Variants in UBR1 observed in about 807,000 individuals in gnomAD.
The protein encoded by UBR1 is E3 ubiquitin-protein ligase UBR1.
Under a neutral mutation model 242.1 loss-of-function variants are expected in UBR1, and 102 were observed. The observed-to-expected ratio is 0.42, with a 90% CI of 0.36 to 0.50. The LOEUF (loss-of-function observed/expected upper bound fraction) is 0.50, where lower values mean the gene tolerates loss of function less well. Ranked by LOEUF, UBR1 falls within the 20% of genes least tolerant of loss-of-function variation. The pLI, the probability that UBR1 is intolerant of heterozygous loss-of-function variation, is 0.01. For missense variants in UBR1, 1,772 were observed against 2,101.8 expected (o/e 0.84, Z 3.07); for synonymous variants, 675 against 684.8 (o/e 0.99, Z 0.22).
chr15:43,023,389 C>G (rs1360352595), intron 25 of UBR1, among the ~76,000 whole-genome samples: 1 of 151,782 alleles, frequency 6.6e-6, no homozygotes, highest in African/African-American at 2.4e-5. Flanking sequence ...GTCAGGAGTT[C>G]ATGACCAGCC....
intron 1 of UBR1, among the ~76,000 whole-genome samples, chr15:43,099,518 T>C (rs535423034): frequency 1.3e-5 from 2 of 152,302 alleles, no homozygotes; most frequent in Non-Finnish European, 2.9e-5. Flanking sequence ...CACAAGTATA[T>C]ACATTTGTTA....
chr15:42,978,599 A>T (rs1009260260), intron 37 of UBR1, among the ~76,000 whole-genome samples: 1 of 152,200 alleles, frequency 6.6e-6, no homozygotes, highest in African/African-American at 2.4e-5. Context: ...AAAATGAAGG[A>T]ATTATTGTAG....
intron 39 of UBR1, among the ~76,000 whole-genome samples, chr15:42,971,676 A>G (rs2032209149): frequency 1.3e-5 from 2 of 152,192 alleles, no homozygotes; most frequent in South Asian, 2.1e-4. Flanking sequence ...TAAAAAATGC[A>G]TCATGAATTC....
chr15:43,032,972 C>A (rs950172720), intron 19 of UBR1, among the ~76,000 whole-genome samples: 1 of 152,126 alleles, frequency 6.6e-6, no homozygotes, highest in Non-Finnish European at 1.5e-5. Flanking sequence ...AATAGATTGC[C>A]AACAGTTATA....
In UBR1 at chr15:42,966,269, A is replaced by G. The variant is rs146245818; in HGVS notation, c.4475T>C (p.Ile1492Thr). 15 of 1,614,120 alleles carry G rather than the reference A, an allele frequency of 9.3e-6. No homozygotes were observed. Among genetic ancestry groups the G allele is most frequent in the African/African-American group, 2.7e-5 (2 of 74,954 alleles). The stretch of plus-strand genomic sequence containing the variant: ...TGAGACCCACAAATACCAGCCAGGA[A>G]TATCACACCCAATGGAGCTAGGAGA... The part of the protein sequence containing the change: ...QYTSGSIGCD[I>T]PGWYLWVSLK... The change falls in exon 41 of 47, where the codon ATT becomes ACT. Residue 1492 changes from isoleucine to threonine, a missense_variant. Coordinates refer to ENST00000290650, the MANE Select transcript of UBR1 (RefSeq NM_174916.3).
chr15:43,052,690 T>A (rs935262531), intron 12 of UBR1, among the ~76,000 whole-genome samples: 1 of 152,180 alleles, frequency 6.6e-6, no homozygotes, highest in East Asian at 1.9e-4. Context: ...TAAATAAACA[T>A]GTAGGGAAAG....
intron 1 of UBR1, among the ~76,000 whole-genome samples, chr15:43,098,028 T>C (rs1422932216): frequency 5.3e-5 from 8 of 152,250 alleles, no homozygotes; most frequent in African/African-American, 1.9e-4. Context: ...TCATCATTTC[T>C]AGCTTTTGAT....
At chr15:43,105,902 C>G in intron 1 of UBR1, 40 bp downstream of exon 1, 1 of 1,596,046 alleles carries the variant, frequency 6.3e-7, no homozygotes, top group Non-Finnish European at 8.6e-7. Context: ...TAGGGAGGGA[C>G]CGGGGGGAGG....
At chr15:43,048,332 A>G (rs1465410050) in intron 13 of UBR1, 60 bp downstream of exon 13, 1 of 1,333,928 alleles carries the variant, frequency 7.5e-7, no homozygotes, top group East Asian at 2.5e-5. Flanking sequence ...CTTTAAAAAG[A>G]CTGCGGTTCA....
At chr15:43,007,984 A>C (rs1161175561) in intron 29 of UBR1, among the ~76,000 whole-genome samples, 1 of 152,250 alleles carries the variant, frequency 6.6e-6, no homozygotes, top group Non-Finnish European at 1.5e-5. Flanking sequence ...GGCAAAACTC[A>C]AGATCTACTG....
intron 12 of UBR1, among the ~76,000 whole-genome samples, chr15:43,049,284 A>G (rs1457835803): frequency 1.3e-5 from 2 of 152,178 alleles, no homozygotes; most frequent in Non-Finnish European, 2.9e-5. Context: ...TGTATAAAAG[A>G]GGTAATGTAT....
chr15:43,076,897 A>G (rs1424086689), intron 3 of UBR1, among the ~76,000 whole-genome samples: 7 of 45,710 alleles, frequency 1.5e-4, no homozygotes, highest in Admixed American at 2.4e-4. Flanking sequence ...TCCGGGAGGG[A>G]GGTGGGGGGG....
At chr15:43,005,798 G>C (rs1258816220) in intron 30 of UBR1, among the ~76,000 whole-genome samples, 5 of 148,832 alleles carry the variant, frequency 3.4e-5, no homozygotes, top group African/African-American at 7.4e-5. Flanking sequence ...CCCCAACCCC[G>C]TGCTCTCTGA....
At chr15:43,014,240 A>T (rs1596101474) in intron 29 of UBR1, among the ~76,000 whole-genome samples, 1 of 151,002 alleles carries the variant, frequency 6.6e-6, no homozygotes, top group Non-Finnish European at 1.5e-5. Flanking sequence ...TACAACCTCC[A>T]CCTCCCAGCC....
intron 32 of UBR1, among the ~76,000 whole-genome samples, chr15:43,000,492 G>C (rs992896547): frequency 2.6e-5 from 4 of 152,220 alleles, no homozygotes; most frequent in Non-Finnish European, 5.9e-5. Context: ...AAATTGGAAA[G>C]TCACTTTATT....
At chr15:43,076,886 G>A (rs1356141971) in intron 3 of UBR1, among the ~76,000 whole-genome samples, 3 of 82,740 alleles carry the variant, frequency 3.6e-5, no homozygotes, top group Admixed American at 1.2e-4. Flanking sequence ...CAGCCGCCCC[G>A]TCCGGGAGGG....
At chr15:43,054,950 G>T in intron 11 of UBR1, 51 bp from the exon 12 acceptor site, 2 of 1,590,426 alleles carry the variant, frequency 1.3e-6, no homozygotes, top group Non-Finnish European at 1.7e-6. Context: ...ATTGTGGTAT[G>T]GACTTAATTT....
chr15:43,001,339 G>A (rs781171599), intron 32 of UBR1, among the ~76,000 whole-genome samples: 10 of 151,892 alleles, frequency 6.6e-5, no homozygotes, highest in African/African-American at 1.5e-4. Flanking sequence ...TAGTACAGAC[G>A]GGTTTCATTA....
chr15:43,034,799 C>T (rs370943786), intron 19 of UBR1, among the ~76,000 whole-genome samples: 1 of 151,038 alleles, frequency 6.6e-6, no homozygotes, highest in South Asian at 2.1e-4. Flanking sequence ...GCAAGAGAAT[C>T]GCTTGAACCC....
Sources: gnomAD v4.1 joint callset for allele counts (sites outside exome capture counted in the v4.1 genomes callset) on GRCh38, gnomAD v4.1.1 for gene constraint, MANE v1.5 for transcripts, NCBI Gene and HGNC (gene_info 2026-07-23, HGNC 2026-07-21) for gene names.